The following DOK6 variants were observed in gnomAD, a reference collection of about 807,000 sequenced individuals.
DOK6 encodes downstream of tyrosine kinase 6.
DOK6 carries 22 observed loss-of-function variants against 44.0 expected under a neutral mutation model. The observed-to-expected ratio is 0.50, with a 90% confidence interval of 0.36 to 0.71. The LOEUF is 0.71. Among genes scored for constraint, DOK6 ranks in the 30% least tolerant of loss-of-function variants. The pLI is 0.00. For missense variants in DOK6, 340 were observed against 416.4 expected (o/e 0.82, Z 1.60); for synonymous variants, 166 against 145.5 (o/e 1.14, Z -1.01).
chr18:69,648,035 G>A (rs191119640), intron 3 of DOK6, among the ~76,000 whole-genome samples: 2 of 152,204 alleles, frequency 1.3e-5, no homozygotes, highest in African/African-American at 4.8e-5. Context: ...TCAAATACTT[G>A]TTTAGCTATC....
chr18:69,814,337 A>G (rs1028726831), intron 7 of DOK6, among the ~76,000 whole-genome samples: 1 of 152,122 alleles, frequency 6.6e-6, no homozygotes, highest in Non-Finnish European at 1.5e-5. Flanking sequence ...GCCCTGAGTG[A>G]GGTGAGGGAG....
chr18:69,580,243 C>T (rs1983335675), intron 2 of DOK6, among the ~76,000 whole-genome samples: 2 of 152,100 alleles, frequency 1.3e-5, no homozygotes, highest in African/African-American at 4.8e-5. Flanking sequence ...CTTCAAAGCT[C>T]CTTCTGTTGT....
intron 3 of DOK6, among the ~76,000 whole-genome samples, chr18:69,635,392 A>G (rs1339426627): frequency 6.6e-6 from 1 of 152,190 alleles, no homozygotes; most frequent in African/African-American, 2.4e-5. Context: ...GTAATAATTC[A>G]TCATTATATT....
intron 1 of DOK6, among the ~76,000 whole-genome samples, chr18:69,435,349 G>A (rs80107252): frequency 0.025 from 3,775 of 152,198 alleles, 70 homozygotes; most frequent in East Asian, 0.074. Flanking sequence ...TAAGCTGTGC[G>A]CTCTACTGGA....
chr18:69,795,608 T>G (rs1980720798), intron 7 of DOK6, among the ~76,000 whole-genome samples: 1 of 152,160 alleles, frequency 6.6e-6, no homozygotes, highest in Non-Finnish European at 1.5e-5. Context: ...CTGACGCCTG[T>G]ATTCATTTAA....
intron 4 of DOK6, among the ~76,000 whole-genome samples, chr18:69,685,482 G>A (rs1338372680): frequency 2.0e-5 from 3 of 152,174 alleles, no homozygotes; most frequent in Admixed American, 1.3e-4. Flanking sequence ...AAAACAGGCA[G>A]TACAATGCCT....
chr18:69,836,054 C>T (rs954473502), intron 7 of DOK6, among the ~76,000 whole-genome samples: 1 of 152,180 alleles, frequency 6.6e-6, no homozygotes, highest in Admixed American at 6.5e-5. Flanking sequence ...AGCAACAATG[C>T]ATTTCTTAAT....
chr18:69,836,058 T>C (rs1362669084), intron 7 of DOK6, among the ~76,000 whole-genome samples: 2 of 152,182 alleles, frequency 1.3e-5, no homozygotes, highest in Non-Finnish European at 2.9e-5. Context: ...ACAATGCATT[T>C]CTTAATTCCT....
chr18:69,627,203 A>AAAAC (rs565392948), intron 3 of DOK6, among the ~76,000 whole-genome samples: 2 of 152,144 alleles, frequency 1.3e-5, no homozygotes, highest in African/African-American at 2.4e-5. Context: ...AAAGAAAACA[A>AAAAC]AAACAAACAA....
intron 2 of DOK6, among the ~76,000 whole-genome samples, chr18:69,599,066 A>G (rs1256868452): frequency 1.3e-5 from 2 of 152,152 alleles, no homozygotes; most frequent in East Asian, 3.9e-4. Flanking sequence ...TTTAATGAAA[A>G]TCCTCTGTTA....
At chr18:69,459,488 A>G (rs1337152087) in intron 1 of DOK6, among the ~76,000 whole-genome samples, 1 of 152,124 alleles carries the variant, frequency 6.6e-6, no homozygotes, top group African/African-American at 2.4e-5. Context: ...TTGGCATTTC[A>G]ATTTTAAAAT....
rs553593825 is a variant in DOK6, at chr18:69,623,168, T to C, written c.289+23670T>C. On this transcript the variant is annotated intron_variant, in intron 3 of 7. Coordinates refer to ENST00000382713, the MANE Select transcript of DOK6 (RefSeq NM_152721.6). ...CTCTTTCTCCTGCTGGCCATCTGAA[T>C]ATATGCCAGCTTCCCCTTCACTTTC... 4.6e-5 allele frequency among the ~76,000 whole-genome samples: 7 copies of C among 152,272 alleles called. No individual in the cohort carries two copies. The South Asian group carries it at 8.3e-4, about 18-fold the overall frequency.
Position 69,564,597 on chromosome 18 carries a change from A to G in DOK6, c.174+3A>G, listed in dbSNP as rs1568297836. The G allele has an allele frequency of 6.2e-7, 1 of 1,611,162 alleles. No homozygotes were observed. The highest frequency in any genetic ancestry group is 8.5e-7 in the Non-Finnish European group (1 of 1,178,256). On this transcript the variant is annotated splice_donor_region_variant and intron_variant, in intron 2 of 7. Transcript: ENST00000382713. ...CTTATTTCAGAAACTTTCATAAGGTAAGTCACAGTCCTGGGAGTCCCTGGG... is the reference window on the plus strand; with the variant it reads ...CTTATTTCAGAAACTTTCATAAGGTGAGTCACAGTCCTGGGAGTCCCTGGG...
Position 69,599,393 on chromosome 18 carries a change from C to A in DOK6, c.184C>A (p.Leu62Met), listed in dbSNP as rs750246304. The A allele has an allele frequency of 3.1e-6, 5 of 1,612,542 alleles. No homozygotes were observed. Among genetic ancestry groups the A allele is most frequent in the Non-Finnish European group, 4.2e-6 (5 of 1,179,362 alleles). Residue 62 changes from leucine (L) to methionine (M), a missense_variant, in exon 3 of 8, where the codon CTG becomes ATG. This residue lies in a region of DOK6 where 206 missense variants were observed against 258.6 expected (regional missense o/e 0.80). Transcript: ENST00000382713. ...TATTTTTTCTTTCAAGGTAACTGAACTGCACAATATCAAAAATATAACCAG... is the reference window on the plus strand; with the variant it reads ...TATTTTTTCTTTCAAGGTAACTGAAATGCACAATATCAAAAATATAACCAG... ...YFRNFHKVTE[L>M]HNIKNITRLP...
chr18:69,408,955 T>C (rs1978295062), intron 1 of DOK6, among the ~76,000 whole-genome samples: 1 of 152,222 alleles, frequency 6.6e-6, no homozygotes, highest in South Asian at 2.1e-4. Context: ...ACATAAAATG[T>C]ATTACACGTT....
At position 69,801,084 on chromosome 18, in the gene DOK6, ATTTTGTTTTGTTTTGTTTTG is replaced by A. The variant is rs60596554; in HGVS notation, c.857-40125_857-40106del. 2.2e-3 allele frequency among the ~76,000 whole-genome samples: 317 copies of A among 142,748 alleles called. 9 individuals are homozygous for A. The South Asian group carries it at 0.032, about 15-fold the overall frequency. 93.6% of individuals were successfully genotyped at this position (142,748 alleles called of 152,430 possible). ...ATGCCCAGCCTTTTTCTTTACTTTGATTTTGTTTTGTTTTGTTTTGTTTTGTTTTGTTTTGTTTTGTTTTG... is the reference window on the plus strand; with the variant it reads ...ATGCCCAGCCTTTTTCTTTACTTTGATTTTGTTTTGTTTTGTTTTGTTTTG... On this transcript the variant is annotated intron_variant, in intron 7 of 7. Transcript: ENST00000382713.
intron 3 of DOK6, among the ~76,000 whole-genome samples, chr18:69,664,224 A>G (rs1985599826): frequency 6.6e-6 from 1 of 152,220 alleles, no homozygotes; most frequent in Non-Finnish European, 1.5e-5. Context: ...TACGAATTTC[A>G]TCATTACTCA....
intron 3 of DOK6, among the ~76,000 whole-genome samples, chr18:69,641,207 C>G (rs907085853): frequency 6.7e-6 from 1 of 150,372 alleles, no homozygotes; most frequent in African/African-American, 2.5e-5. Context: ...GAGCAAGACT[C>G]CGTCTCAAAA....
At chr18:69,616,100 C>G (rs1984278055) in intron 3 of DOK6, among the ~76,000 whole-genome samples, 1 of 152,180 alleles carries the variant, frequency 6.6e-6, no homozygotes. Context: ...TCACTAAACA[C>G]TGATGAACTC....
Sources: gnomAD v4.1 joint callset for allele counts (sites outside exome capture counted in the v4.1 genomes callset) on GRCh38, gnomAD v4.1.1 for gene constraint, gnomAD v4.1.1 regional missense constraint, MANE v1.5 for transcripts, NCBI Gene and HGNC (gene_info 2026-07-23, HGNC 2026-07-21) for gene names.